Variants in TRAPPC11 observed in about 807,000 individuals in gnomAD.
TRAPPC11 encodes the protein foie gras homolog.
TRAPPC11 carries 104 observed loss-of-function variants against 151.2 expected under a neutral mutation model. That is an observed-to-expected ratio of 0.69 (90% CI 0.59 to 0.81). The LOEUF (loss-of-function observed/expected upper bound fraction) is 0.81, where lower values mean the gene tolerates loss of function less well. Ranked by LOEUF, TRAPPC11 falls within the 30% of genes least tolerant of loss-of-function variation. The pLI is 0.00. For synonymous variants in TRAPPC11, 456 were observed against 472.3 expected, an observed-to-expected ratio of 0.97 and a Z score of 0.45; for missense variants, 1,230 against 1,349.6, an observed-to-expected ratio of 0.91 and a Z score of 1.39.
At chr4:183,708,071 G>A (rs1737166983) in intron 28 of TRAPPC11, among the ~76,000 whole-genome samples, 1 of 152,112 alleles carries the variant, frequency 6.6e-6, no homozygotes, top group Non-Finnish European at 1.5e-5. Context: ...TTTACATATT[G>A]TGAACATAAA....
rs1163700022 is a variant in TRAPPC11, at chr4:183,693,914, T to C, written c.2387-3T>C. On this transcript the variant is annotated splice_polypyrimidine_tract_variant and splice_region_variant and intron_variant, in intron 21 of 29. Coordinates refer to ENST00000334690, the MANE Select transcript of TRAPPC11 (RefSeq NM_021942.6). ...TTTGAAGAACCAATATTAACTCTTT[T>C]AGGACAGGATGCCAATTTAACTCAG... 3 of 1,613,294 alleles carry C rather than the reference T, an allele frequency of 1.9e-6. No homozygotes were observed. The highest frequency in any genetic ancestry group is 1.1e-5 in the South Asian group (1 of 91,002).
At chr4:183,706,681 A>G (rs964368903) in intron 27 of TRAPPC11, 126 bp from the exon 28 acceptor site, 2 of 1,020,110 alleles carry the variant, frequency 2.0e-6, no homozygotes, top group Non-Finnish European at 2.8e-6. Context: ...CTTATCCGGC[A>G]AGAGTACAGT....
At chr4:183,711,720 A>G (rs148708975) in intron 29 of TRAPPC11, among the ~76,000 whole-genome samples, 2 of 100,904 alleles carry the variant, frequency 2.0e-5, no homozygotes, top group African/African-American at 5.7e-5. Flanking sequence ...CTGCCTCGGG[A>G]ATGCCTCAGA....
chr4:183,664,665 T>TCACTA (rs1734749911), intron 2 of TRAPPC11, among the ~76,000 whole-genome samples: 1 of 152,184 alleles, frequency 6.6e-6, no homozygotes, highest in Non-Finnish European at 1.5e-5. Context: ...GATGATAGTA[T>TCACTA]CACTAATAGC....
chr4:183,665,170 C>A (rs560108019), intron 2 of TRAPPC11, among the ~76,000 whole-genome samples: 2 of 146,244 alleles, frequency 1.4e-5, no homozygotes, highest in South Asian at 4.5e-4. Flanking sequence ...TATCGGCTCA[C>A]TGCAAGCTCC....
chr4:183,679,329 T>G lies in TRAPPC11; in HGVS notation c.832-24T>G, dbSNP rs73872659. On this transcript the variant is annotated intron_variant, in intron 8 of 29. Coordinates refer to ENST00000334690, the MANE Select transcript of TRAPPC11 (RefSeq NM_021942.6). ...TTGACTTTCTTTTTTTCCTTTATTT[T>G]GGGATCAATTTTACATTTTGCAGAT... is the stretch of plus-strand genomic sequence containing the variant. 1.6e-3 allele frequency: 2,535 copies of G among 1,537,054 alleles called. 30 individuals are homozygous for G. In the African/African-American group the frequency reaches 0.032, roughly 19 times the overall value.
At chr4:183,661,069 T>C (rs1734486164) in intron 1 of TRAPPC11, among the ~76,000 whole-genome samples, 1 of 152,076 alleles carries the variant, frequency 6.6e-6, no homozygotes, top group Admixed American at 6.6e-5. Flanking sequence ...TGTTTCTTTC[T>C]CTGAACATGC....
intron 25 of TRAPPC11, chr4:183,701,122 AG>A (rs1163355866): frequency 3.3e-5 from 5 of 152,646 alleles, no homozygotes; most frequent in Admixed American, 6.5e-5. Flanking sequence ...GTGAGATTAC[AG>A]GTGTGAGCCA....
At chr4:183,659,776 G>A (rs1734371606) in intron 1 of TRAPPC11, among the ~76,000 whole-genome samples, 1 of 152,064 alleles carries the variant, frequency 6.6e-6, no homozygotes, top group Non-Finnish European at 1.5e-5. Flanking sequence ...CTTTAACATC[G>A]AAACATCATT....
At chr4:183,696,066 A>G (rs1027744909) in intron 23 of TRAPPC11, among the ~76,000 whole-genome samples, 11 of 152,228 alleles carry the variant, frequency 7.2e-5, no homozygotes, top group Admixed American at 2.0e-4. Context: ...GAGTGCCAGC[A>G]TGACACTCAA....
chr4:183,689,923 C>T (rs542565721), intron 18 of TRAPPC11, among the ~76,000 whole-genome samples: 4 of 151,972 alleles, frequency 2.6e-5, no homozygotes, highest in African/African-American at 7.2e-5. Flanking sequence ...AAGATACAGG[C>T]GGGGCGCAGT....
chr4:183,685,326 A>T lies in TRAPPC11; in HGVS notation c.1685A>T (p.Gln562Leu). 6.2e-7 allele frequency: 1 copy of T among 1,614,178 alleles called. No homozygotes were observed. Among genetic ancestry groups the T allele is most frequent in the Non-Finnish European group, 8.5e-7 (1 of 1,180,010 alleles). Residue 562 changes from glutamine (Q) to leucine (L), a missense_variant, in exon 17 of 30, where the codon CAG becomes CTG. By Grantham distance (113) the Gln-to-Leu change is moderately radical (BLOSUM62 -2). Coordinates refer to ENST00000334690, the MANE Select transcript of TRAPPC11 (RefSeq NM_021942.6). ...DCDILAVKTA[Q>L]KLWADRISLA... Reference sequence around the variant, plus strand: ...GATATCTTAGCTGTGAAAACTGCTCAGAAGCTGTGGGCAGACCGAATTTCT... The same window carrying T: ...GATATCTTAGCTGTGAAAACTGCTCTGAAGCTGTGGGCAGACCGAATTTCT...
chr4:183,659,703 A>T (rs532748247), intron 1 of TRAPPC11, among the ~76,000 whole-genome samples: 1 of 152,292 alleles, frequency 6.6e-6, no homozygotes, highest in Admixed American at 6.5e-5. Flanking sequence ...CACTGGAGCT[A>T]CCAGAACAGA....
intron 26 of TRAPPC11, among the ~76,000 whole-genome samples, chr4:183,702,642 T>A (rs1028554545): frequency 6.6e-6 from 1 of 152,162 alleles, no homozygotes; most frequent in Non-Finnish European, 1.5e-5. Flanking sequence ...TACATAGGAA[T>A]GATAAATACC....
intron 22 of TRAPPC11, 133 bp downstream of exon 22, chr4:183,694,171 T>C (rs1736410357): frequency 1.1e-6 from 1 of 943,746 alleles, no homozygotes; most frequent in African/African-American, 1.7e-5. Context: ...TAATGAACAT[T>C]TCATACACAT....
chr4:183,697,451 A>G (rs749357248), intron 23 of TRAPPC11, 52 bp from the exon 24 acceptor site: 12 of 1,537,278 alleles, frequency 7.8e-6, no homozygotes, highest in Non-Finnish European at 1.1e-5. Flanking sequence ...TTAAAACTTT[A>G]TATAAAAAGA....
chr4:183,661,404 C>CTCTG (rs1491355063), intron 1 of TRAPPC11, among the ~76,000 whole-genome samples: 8 of 125,860 alleles, frequency 6.4e-5, no homozygotes, highest in Non-Finnish European at 1.3e-4. Context: ...AGTCTCCTCG[C>CTCTG]TCTGTCGCCC....
Position 183,693,983 on chromosome 4 carries a change from C to T in TRAPPC11, c.2453C>T (p.Ser818Phe), listed in dbSNP as rs2111068375. 6.2e-7 allele frequency: 1 copy of T among 1,614,010 alleles called. No individual in the cohort carries two copies. Among genetic ancestry groups the T allele is most frequent in the Non-Finnish European group, 8.5e-7 (1 of 1,179,910 alleles). The change falls in exon 22 of 30, where the codon TCC (serine) becomes TTC (phenylalanine). Residue 818 changes from serine to phenylalanine, a missense_variant. Transcript: ENST00000334690. ...TLHGTELCDESYPALLTDIPV... is the reference protein window; with the variant it reads ...TLHGTELCDEFYPALLTDIPV... ...CATGGAACAGAACTGTGTGATGAAT[C>T]CTACCCGGCTTTACTCACTGACATT... is the stretch of plus-strand genomic sequence containing the variant.
chr4:183,665,083 T>TTTTC (rs1561025413), intron 2 of TRAPPC11, among the ~76,000 whole-genome samples: 22 of 141,376 alleles, frequency 1.6e-4, no homozygotes, highest in Non-Finnish European at 2.1e-4. Flanking sequence ...ATTATTTTTC[T>TTTTC]TTTCTTTCTT....
Sources: allele counts gnomAD v4.1 joint callset (sites outside exome capture counted in the v4.1 genomes callset), GRCh38; gene constraint gnomAD v4.1.1; transcripts MANE v1.5; gene names NCBI Gene and HGNC (gene_info 2026-07-23, HGNC 2026-07-21).